Variants in NCOR1 observed in about 807,000 individuals in gnomAD.
NCOR1 encodes protein phosphatase 1, regulatory subunit 109.
A neutral mutation model predicts 288.1 loss-of-function variants in NCOR1; 63 were observed. The observed-to-expected ratio is 0.22, with a 90% confidence interval of 0.18 to 0.27. The LOEUF (loss-of-function observed/expected upper bound fraction) is 0.27. Among genes scored for constraint, NCOR1 ranks in the 10% least tolerant of loss-of-function variants. The pLI, the probability that NCOR1 is intolerant of heterozygous loss-of-function variation, is 1.00. For synonymous variants in NCOR1, 1,007 were observed against 1,065.9 expected (o/e 0.94, Z 1.08); for missense variants, 2,397 against 3,019.2 (o/e 0.79, Z 4.83).
At chr17:16,205,085 T>C (rs2091325127) in intron 1 of NCOR1, among the ~76,000 whole-genome samples, 2 of 151,894 alleles carry the variant, frequency 1.3e-5, no homozygotes, top group Non-Finnish European at 2.9e-5. Flanking sequence ...CCAGGCATGG[T>C]GGTGCAGGCC....
At chr17:16,035,839 G>A (rs552212793) in intron 44 of NCOR1, among the ~76,000 whole-genome samples, 3 of 152,050 alleles carry the variant, frequency 2.0e-5, no homozygotes, top group Non-Finnish European at 4.4e-5. Context: ...ATCATACCCG[G>A]CCTCTCTTGC....
rs763499300 is a variant in NCOR1 at position 16,108,196 on chromosome 17, AAT to A, written c.2182+588_2182+589del. 1.6e-3 allele frequency: 393 copies of A among 240,072 alleles called. 1 individual carries two copies. Among genetic ancestry groups the A allele is most frequent in the African/African-American group, 8.4e-3 (361 of 43,112 alleles). 14.9% of individuals were successfully genotyped at this position (240,072 alleles called of 1,614,324 possible). ...GCAATTTCCAAAAAAAAAAAAAAAAAATCCACAGAAACTTTAATCAGAGTGTA... is the reference window on the plus strand; with the variant it reads ...GCAATTTCCAAAAAAAAAAAAAAAAACCACAGAAACTTTAATCAGAGTGTA... On this transcript the variant is annotated intron_variant, in intron 19 of 45. Coordinates refer to ENST00000268712, the MANE Select transcript of NCOR1 (RefSeq NM_006311.4).
In NCOR1 at chr17:16,062,215, A is replaced by T. The variant is rs760795549; in HGVS notation, c.5277T>A (p.Pro1759=). 1.7e-5 allele frequency: 28 copies of T among 1,613,906 alleles called. No individual in the cohort carries two copies. In the South Asian group the frequency reaches 2.7e-4, roughly 16 times the overall value. The change falls in exon 36 of 46, where the codon CCT becomes CCA. Residue 1759 remains proline (P), a synonymous_variant. Transcript: ENST00000268712. Reference sequence around the variant, plus strand: ...ACATGGTCTCCTGAGTTCTTACTGAAGGGGAAGGGGAGCGAACATATCCAT... The same window carrying T: ...ACATGGTCTCCTGAGTTCTTACTGATGGGGAAGGGGAGCGAACATATCCAT... The part of the protein sequence containing the change: ...GSHGYVRSPS[P]SVRTQETMLQ...
chr17:16,075,581 C>G lies in NCOR1; in HGVS notation c.3623G>C (p.Gly1208Ala), dbSNP rs2152769429. Residue 1208 changes from glycine to alanine, a missense_variant, in exon 27 of 46, where the codon GGC becomes GCC. This residue lies in a region of NCOR1 where 1,872 missense variants were observed against 2,187.8 expected (regional missense o/e 0.86). Transcript: ENST00000268712. ...ACTTTTGCCTTCATAAATAACATGGCCTTTGGATGCAGCTTCCTCTCTGCC... is the reference window on the plus strand; with the variant it reads ...ACTTTTGCCTTCATAAATAACATGGGCTTTGGATGCAGCTTCCTCTCTGCC... ...EKGREEAASK[G>A]HVIYEGKSGH... The G allele has an allele frequency of 6.2e-7, 1 of 1,614,202 alleles. No homozygotes were observed. Among genetic ancestry groups the G allele is most frequent in the Non-Finnish European group, 8.5e-7 (1 of 1,180,038 alleles).
In NCOR1 at chr17:16,107,920, GA is replaced by G. The variant is rs906063873; in HGVS notation, c.2182+865del. On this transcript the variant is annotated intron_variant, in intron 19 of 45. Transcript: ENST00000268712. The stretch of plus-strand genomic sequence containing the variant: ...AAAAGACAACAAGAATAATCTATAG[GA>G]AAAAAAAAACATGGAATCTAATATT... Among the ~76,000 whole-genome samples, 42 of 145,992 alleles carry G rather than the reference GA, an allele frequency of 2.9e-4. 1 individual carries two copies. The highest frequency in any genetic ancestry group is 1.1e-3 in the South Asian group (5 of 4,622).
In NCOR1 at chr17:16,198,717, ACT is replaced by A. The variant is rs1345067757; in HGVS notation, c.-70-4080_-70-4079del. ...CTCCAGCCTGGGCAACAAGAGTGAA[ACT>A]CTGTCAAAAAAAAAAAAAAAAGAGT... On this transcript the variant is annotated intron_variant, in intron 1 of 45. Coordinates refer to ENST00000268712, the MANE Select transcript of NCOR1 (RefSeq NM_006311.4). The A allele has an allele frequency of 4.0e-5, 6 of 150,784 alleles. No individual in the cohort carries two copies. In the East Asian group the frequency reaches 7.8e-4, roughly 20 times the overall value. The allele number at this position is 150,784 out of a possible 1,614,324, so 9.3% of individuals were successfully genotyped here.
intron 43 of NCOR1, chr17:16,039,993 T>TCC: frequency 2.6e-6 from 1 of 386,260 alleles, no homozygotes; most frequent in Non-Finnish European, 4.9e-6. Flanking sequence ...TTTCACCATA[T>TCC]TGGTCAGGCT....
intron 38 of NCOR1, 104 bp from the exon 39 acceptor site, chr17:16,058,168 C>A: frequency 7.8e-7 from 1 of 1,283,752 alleles, no homozygotes; most frequent in Non-Finnish European, 1.1e-6. Context: ...GGATGTGGTA[C>A]ATAGCTCCAA....
At chr17:16,033,031 A>G (rs935260219) in intron 45 of NCOR1, among the ~76,000 whole-genome samples, 1 of 152,196 alleles carries the variant, frequency 6.6e-6, no homozygotes, top group Non-Finnish European at 1.5e-5. Context: ...TGTCCCCAGA[A>G]AGCCTCCTAC....
At chr17:16,193,220 A>C (rs944038283) in intron 2 of NCOR1, among the ~76,000 whole-genome samples, 4 of 152,150 alleles carry the variant, frequency 2.6e-5, no homozygotes, top group African/African-American at 9.7e-5. Context: ...TATATAAACT[A>C]AACTGCAAAG....
At chr17:16,127,548 TAC>T (rs201309408) in intron 14 of NCOR1, among the ~76,000 whole-genome samples, 1,980 of 143,578 alleles carry the variant, frequency 0.014, 110 homozygotes, top group Non-Finnish European at 0.021. Context: ...CATGTATATA[TAC>T]ACATGTGTAT....
chr17:16,209,851 C>G (rs1459782469), intron 1 of NCOR1, among the ~76,000 whole-genome samples: 2 of 152,052 alleles, frequency 1.3e-5, no homozygotes, highest in East Asian at 3.9e-4. Flanking sequence ...ACTTGGGAGG[C>G]TGAGAACGAG....
At position 16,144,202 on chromosome 17, in the gene NCOR1, A is replaced by G. The variant is rs183534821; in HGVS notation, c.1083-506T>C. Reference sequence around the variant, plus strand: ...AAGTAAAACAAATCAGAATCTATCAAAGAATTTCTTAATTGGCCATCAGCT... The same window carrying G: ...AAGTAAAACAAATCAGAATCTATCAGAGAATTTCTTAATTGGCCATCAGCT... On this transcript the variant is annotated intron_variant, in intron 10 of 45. Coordinates refer to ENST00000268712, the MANE Select transcript of NCOR1 (RefSeq NM_006311.4). 3.3e-5 allele frequency among the ~76,000 whole-genome samples: 5 copies of G among 152,320 alleles called. No individual in the cohort carries two copies. In the East Asian group the frequency reaches 9.6e-4, roughly 29 times the overall value.
intron 1 of NCOR1, among the ~76,000 whole-genome samples, chr17:16,203,777 G>T (rs912126420): frequency 6.6e-6 from 1 of 152,108 alleles, no homozygotes; most frequent in African/African-American, 2.4e-5. Flanking sequence ...AGACTTATCT[G>T]TACAGGACTT....
intron 9 of NCOR1, 143 bp downstream of exon 9, chr17:16,149,308 T>TATAC: frequency 4.8e-6 from 1 of 208,644 alleles, no homozygotes; most frequent in African/African-American, 2.4e-5. Flanking sequence ...TATATATATA[T>TATAC]ATATATATGG....
intron 3 of NCOR1, among the ~76,000 whole-genome samples, chr17:16,186,333 G>A (rs1038333948): frequency 1.3e-5 from 2 of 152,190 alleles, no homozygotes; most frequent in African/African-American, 2.4e-5. Flanking sequence ...TGACCAGGTG[G>A]TTTACTGCCT....
chr17:16,100,389 C>A (rs2067400599), intron 20 of NCOR1, among the ~76,000 whole-genome samples: 2 of 152,146 alleles, frequency 1.3e-5, no homozygotes, highest in South Asian at 4.1e-4. Context: ...GCCTGTAATT[C>A]CAGCACTTTG....
At chr17:16,203,902 C>T (rs2091178471) in intron 1 of NCOR1, among the ~76,000 whole-genome samples, 1 of 151,958 alleles carries the variant, frequency 6.6e-6, no homozygotes, top group Middle Eastern at 3.2e-3. Context: ...TTCAGTATTC[C>T]CAATCAATAT....
chr17:16,128,062 A>G (rs2075027000), intron 14 of NCOR1, among the ~76,000 whole-genome samples: 1 of 152,118 alleles, frequency 6.6e-6, no homozygotes, highest in South Asian at 2.1e-4. Flanking sequence ...TACATGCACG[A>G]GCCATTGTGA....
Sources: gnomAD v4.1 joint callset for allele counts (sites outside exome capture counted in the v4.1 genomes callset) on GRCh38, gnomAD v4.1.1 for gene constraint, gnomAD v4.1.1 regional missense constraint, MANE v1.5 for transcripts, NCBI Gene and HGNC (gene_info 2026-07-23, HGNC 2026-07-21) for gene names.